Variants in ROR1 observed in about 807,000 individuals in gnomAD.
ROR1 encodes the protein inactive tyrosine-protein kinase transmembrane receptor ROR1.
Under a neutral mutation model 78.8 loss-of-function variants are expected in ROR1, and 19 were observed. That is an observed-to-expected ratio of 0.24 (90% confidence interval 0.17 to 0.35). ROR1 has a LOEUF of 0.35. Among genes scored for constraint, ROR1 ranks in the 10% least tolerant of loss-of-function variants. The pLI is 1.00. For synonymous variants in ROR1, 386 were observed against 433.6 expected (o/e 0.89, Z 1.36); for missense variants, 917 against 1,177.8 (o/e 0.78, Z 3.24).
At chr1:64,012,185 G>A (rs182439567) in intron 2 of ROR1, among the ~76,000 whole-genome samples, 18 of 152,324 alleles carry the variant, frequency 1.2e-4, no homozygotes, top group African/African-American at 3.8e-4. Flanking sequence ...AAGGCCTAGA[G>A]TTTTGGTATC....
At chr1:63,841,096 A>G (rs1645047027) in intron 1 of ROR1, among the ~76,000 whole-genome samples, 1 of 152,178 alleles carries the variant, frequency 6.6e-6, no homozygotes, top group Admixed American at 6.5e-5. Context: ...ACCATTTTTG[A>G]TGGAGTATTA....
chr1:64,043,631 A>G (rs1646761574), intron 2 of ROR1, among the ~76,000 whole-genome samples: 1 of 152,158 alleles, frequency 6.6e-6, no homozygotes, highest in Non-Finnish European at 1.5e-5. Flanking sequence ...AAAAGGCAAG[A>G]ATATTTTTTA....
At chr1:64,152,458 G>T (rs1649655805) in intron 7 of ROR1, among the ~76,000 whole-genome samples, 1 of 152,096 alleles carries the variant, frequency 6.6e-6, no homozygotes, top group South Asian at 2.1e-4. Context: ...CTACTATGTT[G>T]CTATAAGTGC....
At chr1:63,799,429 C>T (rs747422208) in intron 1 of ROR1, among the ~76,000 whole-genome samples, 3 of 152,152 alleles carry the variant, frequency 2.0e-5, no homozygotes, top group Non-Finnish European at 2.9e-5. Context: ...ACCTCCTTGG[C>T]GACAGAATTC....
chr1:63,959,304 G>A (rs112301118), intron 1 of ROR1, among the ~76,000 whole-genome samples: 3,970 of 134,280 alleles, frequency 0.03, 174 homozygotes, highest in African/African-American at 0.14. Flanking sequence ...TGACACGTGG[G>A]GATTAGGGGA....
At chr1:63,898,366 A>ATT (rs903483264) in intron 1 of ROR1, among the ~76,000 whole-genome samples, 6 of 131,894 alleles carry the variant, frequency 4.5e-5, no homozygotes, top group South Asian at 2.6e-4. Context: ...AGATGCTTAC[A>ATT]TTTTTTTTTT....
At chr1:63,821,931 A>G (rs560444222) in intron 1 of ROR1, among the ~76,000 whole-genome samples, 6 of 152,206 alleles carry the variant, frequency 3.9e-5, no homozygotes, top group African/African-American at 1.4e-4. Context: ...CTCATATGGG[A>G]TTTTGGTATT....
chr1:63,909,632 A>C (rs141429554), intron 1 of ROR1, among the ~76,000 whole-genome samples: 1 of 152,298 alleles, frequency 6.6e-6, no homozygotes, highest in African/African-American at 2.4e-5. Context: ...CAAGTGCGTG[A>C]AGTTTTGAAG....
intron 8 of ROR1, among the ~76,000 whole-genome samples, 193 bp downstream of exon 8, chr1:64,159,385 C>T (rs1269315253): frequency 6.6e-6 from 1 of 152,182 alleles, no homozygotes. Flanking sequence ...AGTATGTCTA[C>T]TTCAGTGTTG....
chr1:64,152,640 C>A (rs2100723554), intron 7 of ROR1, among the ~76,000 whole-genome samples: 1 of 152,250 alleles, frequency 6.6e-6, no homozygotes, highest in South Asian at 2.1e-4. Context: ...AGATCTTTAA[C>A]CTTAAAGCAA....
At chr1:63,951,930 T>G (rs576785385) in intron 1 of ROR1, among the ~76,000 whole-genome samples, 2 of 152,310 alleles carry the variant, frequency 1.3e-5, no homozygotes, top group South Asian at 2.1e-4. Flanking sequence ...ATTCATTCAT[T>G]CATTGGTTCA....
intron 1 of ROR1, among the ~76,000 whole-genome samples, chr1:63,796,236 T>A (rs1206641402): frequency 1.3e-5 from 2 of 152,120 alleles, no homozygotes; most frequent in Non-Finnish European, 2.9e-5. Flanking sequence ...CTTGAGTTTA[T>A]CTCCTAGCCC....
At chr1:64,047,861 G>A (rs1646797033) in intron 2 of ROR1, among the ~76,000 whole-genome samples, 6 of 152,204 alleles carry the variant, frequency 3.9e-5, no homozygotes, top group Admixed American at 3.9e-4. Flanking sequence ...ATGGGCTCAT[G>A]AATCTGTTGT....
intron 1 of ROR1, among the ~76,000 whole-genome samples, chr1:63,888,149 A>G (rs1033966498): frequency 3.9e-5 from 6 of 152,226 alleles, no homozygotes; most frequent in African/African-American, 1.4e-4. Context: ...TCTATTGGTC[A>G]GAGAGGACAG....
chr1:64,045,125 G>A (rs898707905), intron 2 of ROR1, among the ~76,000 whole-genome samples: 7 of 152,102 alleles, frequency 4.6e-5, no homozygotes, highest in Admixed American at 1.3e-4. Flanking sequence ...TGCAACCAAC[G>A]TTTAAGAAAC....
At chr1:63,896,359 C>T (rs1645439607) in intron 1 of ROR1, among the ~76,000 whole-genome samples, 1 of 152,056 alleles carries the variant, frequency 6.6e-6, no homozygotes, top group Non-Finnish European at 1.5e-5. Context: ...ACTAATGACC[C>T]CTCCAGTGTT....
intron 4 of ROR1, among the ~76,000 whole-genome samples, chr1:64,052,227 G>A (rs1646839127): frequency 7.4e-6 from 1 of 135,140 alleles, no homozygotes; most frequent in African/African-American, 2.7e-5. Context: ...TTGGTTATAT[G>A]TGGAATCCTT....
intron 1 of ROR1, among the ~76,000 whole-genome samples, chr1:63,934,273 C>T (rs926067995): frequency 1.3e-5 from 2 of 152,074 alleles, no homozygotes; most frequent in Non-Finnish European, 2.9e-5. Context: ...GCTAGACCCC[C>T]CTGGTTTGAA....
At chr1:63,815,426 C>T (rs1020305442) in intron 1 of ROR1, among the ~76,000 whole-genome samples, 9 of 148,894 alleles carry the variant, frequency 6.0e-5, no homozygotes, top group African/African-American at 2.0e-4. Context: ...GAATGCCTGC[C>T]CTTATATATC....
Sources: gnomAD v4.1 joint callset for allele counts (sites outside exome capture counted in the v4.1 genomes callset) on GRCh38, gnomAD v4.1.1 for gene constraint, MANE v1.5 for transcripts, NCBI Gene and HGNC (gene_info 2026-07-23, HGNC 2026-07-21) for gene names.